Variants in MKNK1 observed in about 807,000 individuals in gnomAD.
MKNK1 encodes MAPK interacting serine/threonine kinase 1.
Under a neutral mutation model 49.3 loss-of-function variants are expected in MKNK1, and 30 were observed. The observed-to-expected ratio is 0.61, with a 90% CI of 0.46 to 0.83. The LOEUF (loss-of-function observed/expected upper bound fraction) is 0.83. Ranked by LOEUF, MKNK1 falls within the 40% of genes least tolerant of loss-of-function variation. MKNK1 has a pLI of 0.00. For missense variants in MKNK1, 423 were observed against 524.7 expected (o/e 0.81, Z 1.89); for synonymous variants, 176 against 201.7 (o/e 0.87, Z 1.08).
intron 8 of MKNK1, among the ~76,000 whole-genome samples, chr1:46,567,131 T>C (rs1234606055): frequency 1.3e-5 from 2 of 152,186 alleles, no homozygotes; most frequent in African/African-American, 4.8e-5. Context: ...TTTGTGGAGA[T>C]GGGGTCTCGC....
intron 1 of MKNK1, among the ~76,000 whole-genome samples, chr1:46,599,051 C>G (rs562006900): frequency 6.6e-6 from 1 of 152,342 alleles, no homozygotes; most frequent in African/African-American, 2.4e-5. Context: ...ATACAGTAGG[C>G]ACCCAATAAC....
At chr1:46,591,004 A>G (rs1004660295) in intron 2 of MKNK1, among the ~76,000 whole-genome samples, 2 of 152,264 alleles carry the variant, frequency 1.3e-5, no homozygotes, top group African/African-American at 2.4e-5. Context: ...TACCAACCAA[A>G]GTCCACCTAC....
chr1:46,584,349 A>G (rs1016093871), intron 2 of MKNK1, among the ~76,000 whole-genome samples: 2 of 152,190 alleles, frequency 1.3e-5, no homozygotes, highest in African/African-American at 4.8e-5. Flanking sequence ...ATTTCTCCGA[A>G]GTCTCTGGGT....
intron 12 of MKNK1, 74 bp from the exon 13 acceptor site, chr1:46,558,874 C>A: frequency 7.7e-7 from 1 of 1,292,804 alleles, no homozygotes; most frequent in South Asian, 1.3e-5. Context: ...CGGGACACTC[C>A]CACTTGCTGC....
At chr1:46,560,114 G>A (rs1471578629) in intron 12 of MKNK1, 120 bp downstream of exon 12, 3 of 1,088,066 alleles carry the variant, frequency 2.8e-6, no homozygotes, top group Admixed American at 3.9e-5. Context: ...AGGGGAAATG[G>A]GCAGGGAGCC....
chr1:46,567,611 A>C (rs1339027087), intron 8 of MKNK1, among the ~76,000 whole-genome samples: 2 of 152,228 alleles, frequency 1.3e-5, no homozygotes, highest in Non-Finnish European at 2.9e-5. Flanking sequence ...AGTTGTGAGT[A>C]GCAGACTGAC....
chr1:46,599,627 G>A lies in MKNK1; in HGVS notation c.-171+4558C>T, dbSNP rs144970540. Among the ~76,000 whole-genome samples the A allele has an allele frequency of 5.3e-4, 80 of 152,288 alleles. 1 individual carries two copies. The highest frequency in any genetic ancestry group is 7.2e-4 in the Non-Finnish European group (49 of 68,028). ...TTTGCTCCAGTCTAACCTCCGTCCTGCTGCCAGAGAAAACCGAGCGCCAGT... is the reference window on the plus strand; with the variant it reads ...TTTGCTCCAGTCTAACCTCCGTCCTACTGCCAGAGAAAACCGAGCGCCAGT... On this transcript the variant is annotated intron_variant, in intron 1 of 12. Transcript: ENST00000371945.
Position 46,558,815 on chromosome 1 carries a change from G to C in MKNK1, c.1014-15C>G. ...TGCTGCTGTTCCTGCAGGGCCAGGG[G>C]AAAGCACAGAAAAGAGGGTCAGGAC... On this transcript the variant is annotated splice_polypyrimidine_tract_variant and intron_variant, in intron 12 of 12. Coordinates refer to ENST00000371945, the MANE Select transcript of MKNK1 (RefSeq NM_001135553.4). 6.2e-7 allele frequency: 1 copy of C among 1,608,242 alleles called. No individual in the cohort carries two copies. The highest frequency in any genetic ancestry group is 8.5e-7 in the Non-Finnish European group (1 of 1,176,896).
chr1:46,577,009 C>T (rs1671065831), intron 4 of MKNK1, among the ~76,000 whole-genome samples: 1 of 152,228 alleles, frequency 6.6e-6, no homozygotes, highest in African/African-American at 2.4e-5. Flanking sequence ...TAAGGGTAAG[C>T]ATTTACTGCA....
At chr1:46,576,902 GCTGCTGCC>G (rs1307824658) in intron 4 of MKNK1, among the ~76,000 whole-genome samples, 2 of 152,194 alleles carry the variant, frequency 1.3e-5, no homozygotes, top group African/African-American at 4.8e-5. Context: ...AGTGAATGAG[GCTGCTGCC>G]CCCAGCTGCC....
intron 1 of MKNK1, among the ~76,000 whole-genome samples, chr1:46,601,310 T>C (rs1019392339): frequency 6.6e-6 from 1 of 152,246 alleles, no homozygotes; most frequent in African/African-American, 2.4e-5. Flanking sequence ...CCTTCAACCA[T>C]GTAAATTTTT....
At chr1:46,574,108 C>T (rs948438073) in intron 6 of MKNK1, 1 of 152,194 alleles carries the variant, frequency 6.6e-6, no homozygotes, top group Non-Finnish European at 1.5e-5. Flanking sequence ...ATTTATTGGG[C>T]CCTTAGTGCC....
At chr1:46,561,827 T>C (rs912786176) in intron 10 of MKNK1, among the ~76,000 whole-genome samples, 185 bp from the exon 11 acceptor site, 1 of 152,186 alleles carries the variant, frequency 6.6e-6, no homozygotes, top group African/African-American at 2.4e-5. Context: ...TCAAACTATA[T>C]AGAATGCCCT....
chr1:46,559,958 G>A (rs1667644923), intron 12 of MKNK1: 1 of 553,834 alleles, frequency 1.8e-6, no homozygotes, highest in Non-Finnish European at 3.2e-6. Context: ...TGGGCTGTAA[G>A]TTACAGTTCA....
intron 4 of MKNK1, among the ~76,000 whole-genome samples, chr1:46,577,639 T>C (rs551388470): frequency 2.0e-5 from 3 of 152,214 alleles, no homozygotes. Flanking sequence ...GCTTAGATGC[T>C]CTAACTTCTT....
At chr1:46,585,842 T>C (rs1672481224) in intron 2 of MKNK1, 1 of 1,162,442 alleles carries the variant, frequency 8.6e-7, no homozygotes, top group Non-Finnish European at 1.2e-6. Context: ...CATTAGATTT[T>C]ATGGCTTCAC....
chr1:46,568,683 C>G, intron 7 of MKNK1, 185 bp from the exon 8 acceptor site: 1 of 608,992 alleles, frequency 1.6e-6, no homozygotes, highest in Non-Finnish European at 2.9e-6. Flanking sequence ...ACAGTTGATT[C>G]TGCGGGTTCT....
At chr1:46,564,450 C>CTG (rs1354026898) in intron 9 of MKNK1, among the ~76,000 whole-genome samples, 2 of 133,374 alleles carry the variant, frequency 1.5e-5, no homozygotes, top group African/African-American at 6.0e-5. Flanking sequence ...AGGGCTCAGC[C>CTG]TGTGTTTTTT....
chr1:46,561,473 C>T lies in MKNK1; in HGVS notation c.969+5G>A. 2 of 1,605,298 alleles carry T rather than the reference C, an allele frequency of 1.2e-6. No individual in the cohort carries two copies. ...TGGAAAACACCCCTCCCTGGAGTCACTCACCCCCTGCACCCATGGGTGCTG... is the reference window on the plus strand; with the variant it reads ...TGGAAAACACCCCTCCCTGGAGTCATTCACCCCCTGCACCCATGGGTGCTG... On this transcript the variant is annotated splice_donor_5th_base_variant and intron_variant, in intron 11 of 12. Coordinates refer to ENST00000371945, the MANE Select transcript of MKNK1 (RefSeq NM_001135553.4).
Sources: gnomAD v4.1 joint callset for allele counts (sites outside exome capture counted in the v4.1 genomes callset) on GRCh38, gnomAD v4.1.1 for gene constraint, MANE v1.5 for transcripts, NCBI Gene and HGNC (gene_info 2026-07-23, HGNC 2026-07-21) for gene names.